DACH2: variants seen among roughly 807,000 people sequenced by gnomAD.
DACH2 encodes dachshund family transcription factor 2.
Under a neutral mutation model 35.8 loss-of-function variants are expected in DACH2, and 17 were observed. That is an observed-to-expected ratio of 0.48 (90% CI 0.33 to 0.71). The LOEUF (loss-of-function observed/expected upper bound fraction) is 0.71, where lower values mean the gene tolerates loss of function less well. Ranked by LOEUF, DACH2 falls within the 30% of genes least tolerant of loss-of-function variation. The pLI is 0.02. For synonymous variants in DACH2, 195 were observed against 177.3 expected (o/e 1.10, Z -0.79); for missense variants, 469 against 472.7 (o/e 0.99, Z 0.07).
At chrX:86,554,327 C>T (rs2039088844) in intron 3 of DACH2, among the ~76,000 whole-genome samples, 1 of 111,028 alleles carries the variant, frequency 9.0e-6, no homozygotes, top group Admixed American at 9.7e-5. Flanking sequence ...GTGTTTCTAT[C>T]ATCTTTGTGG....
At chrX:86,332,237 C>T (rs937629224) in intron 1 of DACH2, among the ~76,000 whole-genome samples, 4 of 111,355 alleles carry the variant, frequency 3.6e-5, no homozygotes, top group African/African-American at 1.3e-4. Context: ...TATTTTGTAA[C>T]AAACAAAATA....
chrX:86,738,962 T>C (rs1212596242), intron 6 of DACH2, among the ~76,000 whole-genome samples: 1 of 111,446 alleles, frequency 9.0e-6, no homozygotes, highest in Non-Finnish European at 1.9e-5. Flanking sequence ...AATGTCCACC[T>C]CTTGGGTTCA....
chrX:86,259,932 T>A (rs1347284497), intron 1 of DACH2, among the ~76,000 whole-genome samples: 1 of 111,387 alleles, frequency 9.0e-6, no homozygotes, highest in African/African-American at 3.3e-5. Flanking sequence ...TAGACTGCAA[T>A]AAGGAGATTT....
At chrX:86,573,208 A>G (rs12391293) in intron 3 of DACH2, among the ~76,000 whole-genome samples, 35,956 of 109,337 alleles carry the variant, frequency 0.33, 4,811 homozygotes, top group East Asian at 0.53. Context: ...GCAAGAAATA[A>G]GGGAAGAGCA....
intron 3 of DACH2, among the ~76,000 whole-genome samples, chrX:86,536,065 C>T (rs1205170322): frequency 9.0e-6 from 1 of 110,644 alleles, no homozygotes; most frequent in Non-Finnish European, 1.9e-5. Flanking sequence ...TTTTAACCTT[C>T]CTTTTAGTTT....
At chrX:86,408,271 T>C (rs1305152290) in intron 2 of DACH2, among the ~76,000 whole-genome samples, 2 of 111,690 alleles carry the variant, frequency 1.8e-5, no homozygotes, top group African/African-American at 6.5e-5. Flanking sequence ...AGAGATTGTA[T>C]TAGACATCAG....
intron 1 of DACH2, among the ~76,000 whole-genome samples, chrX:86,292,684 C>A (rs1229491312): frequency 9.0e-6 from 1 of 111,469 alleles, no homozygotes; most frequent in Non-Finnish European, 1.9e-5. Flanking sequence ...TCGTTATGTA[C>A]TCAGTAGTCA....
At chrX:86,412,558 G>C (rs2036632104) in intron 2 of DACH2, among the ~76,000 whole-genome samples, 1 of 111,699 alleles carries the variant, frequency 9.0e-6, no homozygotes, top group African/African-American at 3.3e-5. Flanking sequence ...ATGAGCATGA[G>C]CCCACTCCCA....
intron 2 of DACH2, among the ~76,000 whole-genome samples, chrX:86,379,442 A>T (rs1370800061): frequency 9.1e-6 from 1 of 109,385 alleles, no homozygotes; most frequent in Non-Finnish European, 1.9e-5. Flanking sequence ...ATCACTGGCA[A>T]TCCAAAAGCA....
chrX:86,234,623 T>TC (rs1369226921), intron 1 of DACH2, among the ~76,000 whole-genome samples: 1 of 109,325 alleles, frequency 9.1e-6, no homozygotes, highest in African/African-American at 3.3e-5. Flanking sequence ...AATTTAATTT[T>TC]TTTTTTTTGA....
At chrX:86,190,770 C>T (rs916889318) in intron 1 of DACH2, among the ~76,000 whole-genome samples, 1 of 110,841 alleles carries the variant, frequency 9.0e-6, no homozygotes, top group African/African-American at 3.3e-5. Context: ...CATGGAGAAA[C>T]CCCATCTCTA....
chrX:86,368,944 C>T (rs966822395), intron 1 of DACH2, among the ~76,000 whole-genome samples: 1 of 111,119 alleles, frequency 9.0e-6, no homozygotes, highest in Non-Finnish European at 1.9e-5. Flanking sequence ...TAAATATTAA[C>T]AAGAAGTGGT....
At chrX:86,418,114 G>T (rs763026785) in intron 2 of DACH2, among the ~76,000 whole-genome samples, 57 of 112,377 alleles carry the variant, frequency 5.1e-4, no homozygotes, top group African/African-American at 1.8e-3. Context: ...GGGTGCCCAT[G>T]GTCTTGGACA....
At chrX:86,676,829 GA>G (rs2040830621) in intron 4 of DACH2, among the ~76,000 whole-genome samples, 1 of 111,091 alleles carries the variant, frequency 9.0e-6, no homozygotes, top group East Asian at 2.8e-4. Context: ...ATCACAGATT[GA>G]AAAAGCATTT....
chrX:86,154,927 A>G, intron 1 of DACH2, among the ~76,000 whole-genome samples: 1 of 111,443 alleles, frequency 9.0e-6, no homozygotes, highest in Non-Finnish European at 1.9e-5. Context: ...TACCAAATCA[A>G]TCTTAAGATT....
At chrX:86,291,433 T>C (rs1323433423) in intron 1 of DACH2, among the ~76,000 whole-genome samples, 1 of 100,599 alleles carries the variant, frequency 9.9e-6, no homozygotes, top group East Asian at 3.2e-4. Context: ...TCCTGCCTAA[T>C]TGGCCTGGCC....
At chrX:86,330,691 C>A (rs1432197458) in intron 1 of DACH2, among the ~76,000 whole-genome samples, 1 of 111,593 alleles carries the variant, frequency 9.0e-6, no homozygotes, top group Non-Finnish European at 1.9e-5. Context: ...TAATTAAATT[C>A]TGGATAATCA....
chrX:86,479,608 T>A (rs1225866349), intron 2 of DACH2, among the ~76,000 whole-genome samples: 1 of 111,960 alleles, frequency 8.9e-6, no homozygotes, highest in African/African-American at 3.2e-5. Flanking sequence ...ATAACTCAGA[T>A]TTGTCCTTTT....
At chrX:86,693,652 G>C (rs2041034112) in intron 4 of DACH2, among the ~76,000 whole-genome samples, 1 of 112,476 alleles carries the variant, frequency 8.9e-6, no homozygotes, top group Non-Finnish European at 1.9e-5. Context: ...TCCCTGAAAA[G>C]TTTACAACTC....
Sources: gnomAD v4.1 joint callset for allele counts (sites outside exome capture counted in the v4.1 genomes callset) on GRCh38, gnomAD v4.1.1 for gene constraint, MANE v1.5 for transcripts, NCBI Gene and HGNC (gene_info 2026-07-23, HGNC 2026-07-21) for gene names.